Variants in SCN8A observed in about 807,000 individuals in gnomAD.
SCN8A encodes sodium channel protein type 8 subunit alpha.
In SCN8A, 30 loss-of-function variants were observed where a neutral mutation model predicts 184.1. That is an observed-to-expected ratio of 0.16 (90% CI 0.12 to 0.22). SCN8A has a LOEUF of 0.22. Among genes scored for constraint, SCN8A ranks in the 10% least tolerant of loss-of-function variants. The pLI, the probability that SCN8A is intolerant of heterozygous loss-of-function variation, is 1.00. For missense variants in SCN8A, 1,057 were observed against 2,498.9 expected, an observed-to-expected ratio of 0.42 and a Z score of 12.30; for synonymous variants, 852 against 907.0, an observed-to-expected ratio of 0.94 and a Z score of 1.09.
At chr12:51,642,973 C>T (rs1190810990) in intron 1 of SCN8A, among the ~76,000 whole-genome samples, 2 of 152,036 alleles carry the variant, frequency 1.3e-5, no homozygotes, top group Non-Finnish European at 2.9e-5. Flanking sequence ...TGCCTGTATC[C>T]AGACCTCTTA....
intron 18 of SCN8A, chr12:51,770,314 CT>C: frequency 3.3e-6 from 2 of 602,510 alleles, no homozygotes; most frequent in Non-Finnish European, 5.7e-6. Flanking sequence ...TGTAGGACAT[CT>C]TCTTGACTCC....
rs998882894 is a variant in SCN8A at position 51,810,072 on chromosome 12, T to A, written c.*2643T>A. 2 of 161,890 alleles carry A rather than the reference T, an allele frequency of 1.2e-5. No individual in the cohort carries two copies. Among genetic ancestry groups the A allele is most frequent in the Admixed American group, 1.3e-4 (2 of 15,462 alleles). The allele number at this position is 161,890 out of a possible 1,614,324, so 10.0% of individuals were successfully genotyped here. ...ACACCATGTGCTCATGCTAGTGATG[T>A]CATTAAGCTACTAGGGCATAGTGAT... On this transcript the variant is annotated 3_prime_UTR_variant, in exon 27 of 27. Transcript: ENST00000627620.
chr12:51,645,328 G>C (rs1299044416), intron 1 of SCN8A, among the ~76,000 whole-genome samples: 3 of 150,168 alleles, frequency 2.0e-5, no homozygotes, highest in Admixed American at 1.3e-4. Context: ...CCAGGAGGGA[G>C]GTGGGGGGGT....
At chr12:51,640,975 C>T (rs1308747973) in intron 1 of SCN8A, among the ~76,000 whole-genome samples, 3 of 152,138 alleles carry the variant, frequency 2.0e-5, no homozygotes, top group Admixed American at 1.3e-4. Context: ...TTGAATGTCT[C>T]AGGGAAAAGT....
At chr12:51,704,659 G>T (rs1285717913) in intron 9 of SCN8A, among the ~76,000 whole-genome samples, 1 of 110,604 alleles carries the variant, frequency 9.0e-6, no homozygotes, top group African/African-American at 3.5e-5. Context: ...GACAGAGCAA[G>T]ACTCCACCTA....
intron 12 of SCN8A, among the ~76,000 whole-genome samples, chr12:51,725,017 A>G (rs1942134676): frequency 6.6e-6 from 1 of 152,106 alleles, no homozygotes; most frequent in South Asian, 2.1e-4. Flanking sequence ...AGCACCCTAT[A>G]AACACTTAGG....
At chr12:51,753,140 C>T (rs1179279508) in intron 14 of SCN8A, among the ~76,000 whole-genome samples, 1 of 152,020 alleles carries the variant, frequency 6.6e-6, no homozygotes, top group Non-Finnish European at 1.5e-5. Context: ...TCAGAACCAT[C>T]AGTAAAAAAA....
At position 51,807,222 on chromosome 12, in the gene SCN8A, G is replaced by A. The variant is rs1454145838; in HGVS notation, c.5736G>A (p.Arg1912=). 2 of 1,613,886 alleles carry A rather than the reference G, an allele frequency of 1.2e-6. No individual in the cohort carries two copies. Among genetic ancestry groups the A allele is most frequent in the African/African-American group, 2.7e-5 (2 of 74,930 alleles). ...GTGCCTACCGGGGACATTTGGCAAGGCGGGGCTTCATCTGCAAAAAGACAA... is the reference window on the plus strand; with the variant it reads ...GTGCCTACCGGGGACATTTGGCAAGACGGGGCTTCATCTGCAAAAAGACAA... ...LQRAYRGHLA[R]RGFICKKTTS... Residue 1912 remains arginine (R), a synonymous_variant, in exon 27 of 27, where the codon AGG becomes AGA. Coordinates refer to ENST00000627620, the MANE Select transcript of SCN8A (RefSeq NM_001330260.2). This position sits in a 1 kb window ranked among gnomAD's most constrained non-coding sequence, Gnocchi z 4.5.
chr12:51,633,882 G>A (rs1362394051), intron 1 of SCN8A, among the ~76,000 whole-genome samples: 1 of 152,172 alleles, frequency 6.6e-6, no homozygotes, highest in Non-Finnish European at 1.5e-5. Context: ...AAATATTTGA[G>A]ATTCAAGAAG....
intron 11 of SCN8A, among the ~76,000 whole-genome samples, chr12:51,707,121 G>A (rs1941798437): frequency 6.6e-6 from 1 of 151,836 alleles, no homozygotes. Context: ...TTTGTTGATG[G>A]GCACTTAGGT....
At chr12:51,789,475 T>C in intron 24 of SCN8A, 57 bp downstream of exon 24, 1 of 1,545,020 alleles carries the variant, frequency 6.5e-7, no homozygotes, top group South Asian at 1.2e-5. Flanking sequence ...AAGAGGCACC[T>C]TTGTCCCTAT....
chr12:51,703,103 T>C (rs1197915587), intron 9 of SCN8A, among the ~76,000 whole-genome samples, 189 bp downstream of exon 9: 1 of 152,210 alleles, frequency 6.6e-6, no homozygotes, highest in East Asian at 1.9e-4. Context: ...GAATGCTCAG[T>C]CATGTATAGC....
At chr12:51,599,520 G>A (rs1393696239) in intron 1 of SCN8A, among the ~76,000 whole-genome samples, 1 of 152,206 alleles carries the variant, frequency 6.6e-6, no homozygotes, top group East Asian at 1.9e-4. Context: ...TGGCAGATAA[G>A]CCTGCAAAGA....
chr12:51,763,780 G>A (rs1337294483), intron 15 of SCN8A, among the ~76,000 whole-genome samples: 1 of 152,218 alleles, frequency 6.6e-6, no homozygotes, highest in African/African-American at 2.4e-5. Flanking sequence ...GGTCACTACT[G>A]CTTCCCTGGC....
chr12:51,679,721 CTTTTTTTTTT>C (rs34564079), intron 2 of SCN8A, among the ~76,000 whole-genome samples: 21 of 85,510 alleles, frequency 2.5e-4, no homozygotes, highest in African/African-American at 9.5e-4. Context: ...ACTATCTTGC[CTTTTTTTTTT>C]TTTTTTTTTT....
chr12:51,715,387 A>C (rs1394215550), intron 11 of SCN8A, among the ~76,000 whole-genome samples: 2 of 152,150 alleles, frequency 1.3e-5, no homozygotes, highest in African/African-American at 4.8e-5. Context: ...CCTGGCCTCC[A>C]AGTTTCAAGA....
chr12:51,700,365 A>G (rs2138737429), intron 7 of SCN8A, among the ~76,000 whole-genome samples: 1 of 152,264 alleles, frequency 6.6e-6, no homozygotes, highest in East Asian at 1.9e-4. Flanking sequence ...TAGAAGCTTG[A>G]TAAAAATTAT....
At chr12:51,671,059 G>A (rs1385903366) in intron 2 of SCN8A, among the ~76,000 whole-genome samples, 4 of 152,068 alleles carry the variant, frequency 2.6e-5, no homozygotes, top group Admixed American at 1.3e-4. Flanking sequence ...GCTCTAATTT[G>A]GTACAGAGAC....
chr12:51,680,326 G>A, intron 2 of SCN8A, among the ~76,000 whole-genome samples: 1 of 152,120 alleles, frequency 6.6e-6, no homozygotes, highest in East Asian at 1.9e-4. Context: ...CCTTAGTAAA[G>A]CCTTCTGCTT....
Sources: allele counts gnomAD v4.1 joint callset (sites outside exome capture counted in the v4.1 genomes callset), GRCh38; gene constraint gnomAD v4.1.1; non-coding constraint Gnocchi (gnomAD v3.1); transcripts MANE v1.5; gene names NCBI Gene and HGNC (gene_info 2026-07-23, HGNC 2026-07-21).